Variants in PDK1 observed in about 807,000 individuals in gnomAD.
PDK1 encodes pyruvate dehydrogenase kinase 1.
PDK1 carries 39 observed loss-of-function variants against 54.2 expected under a neutral mutation model. The ratio of observed to expected loss-of-function variants is 0.72; its 90% CI spans 0.56 to 0.94. PDK1 has a LOEUF of 0.94. PDK1 is among the 40% of genes least tolerant of loss of function. PDK1 has a pLI of 0.00. For missense variants in PDK1, 552 were observed against 566.0 expected (o/e 0.98, Z 0.25); for synonymous variants, 221 against 207.1 (o/e 1.07, Z -0.58).
intron 1 of PDK1, among the ~76,000 whole-genome samples, chr2:172,557,636 T>TGA (rs1688413723): frequency 6.6e-6 from 1 of 151,300 alleles, no homozygotes; most frequent in Non-Finnish European, 1.5e-5. Flanking sequence ...TGTGTGTGTG[T>TGA]GTGTGTGTGT....
At chr2:172,634,212 T>G in the PDK1 span, among the ~76,000 whole-genome samples, 2 of 147,736 alleles carry the variant, frequency 1.4e-5, no homozygotes, top group African/African-American at 4.9e-5. Flanking sequence ...TCATTCAGCA[T>G]TATGTTTTTT....
chr2:172,721,163 T>A, the PDK1 span, among the ~76,000 whole-genome samples: 1 of 152,254 alleles, frequency 6.6e-6, no homozygotes, highest in South Asian at 2.1e-4. Context: ...TTGTACCCTG[T>A]ATTCTTAGAG....
intron 2 of PDK1, among the ~76,000 whole-genome samples, chr2:172,560,904 G>A (rs1168439097): frequency 2.6e-5 from 4 of 152,122 alleles, no homozygotes; most frequent in Non-Finnish European, 5.9e-5. Flanking sequence ...AAATGGAAAA[G>A]GTTTAGCTGC....
intron 10 of PDK1, among the ~76,000 whole-genome samples, chr2:172,593,682 A>T (rs1690731363): frequency 6.6e-6 from 1 of 152,194 alleles, no homozygotes; most frequent in Admixed American, 6.5e-5. Context: ...CAGATTTGGG[A>T]ACAAGCACAA....
rs1247386774 is a variant in PDK1, at chr2:172,596,567, A to G, written c.*598A>G. 1 of 152,240 alleles carries G rather than the reference A, an allele frequency of 6.6e-6. No homozygotes were observed. The allele number at this position is 152,240 out of a possible 1,614,324, so 9.4% of individuals were successfully genotyped here. On this transcript the variant is annotated 3_prime_UTR_variant, in exon 11 of 11. Coordinates refer to ENST00000282077, the MANE Select transcript of PDK1 (RefSeq NM_002610.5). ...AATTTTATTGTAAAGAAGTGTAATG[A>G]CTAGCTCTCTGTGGATCTATGCCAA...
chr2:172,588,657 A>T (rs1381426347), intron 9 of PDK1, among the ~76,000 whole-genome samples: 1 of 152,152 alleles, frequency 6.6e-6, no homozygotes, highest in Non-Finnish European at 1.5e-5. Context: ...TTCTGCTGAC[A>T]TCGCTTTGTA....
At chr2:172,704,023 C>G in the PDK1 span, among the ~76,000 whole-genome samples, 3 of 152,048 alleles carry the variant, frequency 2.0e-5, no homozygotes, top group Non-Finnish European at 4.4e-5. Context: ...ATCCACCCGC[C>G]TCAGCCTCCC....
At chr2:172,692,176 G>T in the PDK1 span, among the ~76,000 whole-genome samples, 1 of 152,078 alleles carries the variant, frequency 6.6e-6, no homozygotes, top group Non-Finnish European at 1.5e-5. Context: ...CAGATTTCCT[G>T]GCACTGGAAA....
chr2:172,713,999 G>A, the PDK1 span, among the ~76,000 whole-genome samples: 1 of 152,208 alleles, frequency 6.6e-6, no homozygotes, highest in East Asian at 1.9e-4. Context: ...TATATTTGGA[G>A]AAAAGACGAC....
At chr2:172,566,710 A>AG (rs1688967055) in intron 5 of PDK1, 146 bp from the exon 6 acceptor site, 1 of 513,122 alleles carries the variant, frequency 1.9e-6, no homozygotes, top group South Asian at 3.2e-5. Flanking sequence ...AAAAAAAAAA[A>AG]AAGCAGACTT....
the PDK1 span, among the ~76,000 whole-genome samples, chr2:172,653,243 G>A: frequency 6.6e-6 from 1 of 152,098 alleles, no homozygotes; most frequent in African/African-American, 2.4e-5. Context: ...TTTAATAAAT[G>A]GTGCTGTGAA....
At chr2:172,687,832 G>A in the PDK1 span, among the ~76,000 whole-genome samples, 1 of 152,152 alleles carries the variant, frequency 6.6e-6, no homozygotes, top group Non-Finnish European at 1.5e-5. Context: ...GGAGTCAATT[G>A]CCCCGACAAG....
At chr2:172,673,877 TA>T in the PDK1 span, among the ~76,000 whole-genome samples, 1 of 152,166 alleles carries the variant, frequency 6.6e-6, no homozygotes, top group Non-Finnish European at 1.5e-5. Context: ...AGTGGCAACT[TA>T]AAATACTTGT....
At chr2:172,707,043 A>G in the PDK1 span, among the ~76,000 whole-genome samples, 7 of 152,168 alleles carry the variant, frequency 4.6e-5, no homozygotes, top group East Asian at 1.4e-3. Context: ...TGGGGGTGGG[A>G]GGTGGCGTTG....
downstream of PDK1, among the ~76,000 whole-genome samples, chr2:172,613,141 G>A (rs2149333711): frequency 6.6e-6 from 1 of 152,298 alleles, no homozygotes; most frequent in Admixed American, 6.5e-5. Flanking sequence ...GCAGAACTGA[G>A]TCTTGACTAA....
Position 172,592,912 on chromosome 2 carries a change from ATTTTGT to A in PDK1, c.1057-18_1057-13del. 3.1e-6 allele frequency: 4 copies of A among 1,298,642 alleles called. No individual in the cohort carries two copies. Among genetic ancestry groups the A allele is most frequent in the Non-Finnish European group, 4.5e-6 (4 of 894,100 alleles). The allele number at this position is 1,298,642 out of a possible 1,614,324, so 80.4% of individuals were successfully genotyped here. ...TTCAGTGTGTGTCTTTCTGAATAGA[ATTTTGT>A]TTTTCTCATCAAACAGGCTGGTTTT... On this transcript the variant is annotated splice_polypyrimidine_tract_variant and intron_variant, in intron 9 of 10. Transcript: ENST00000282077.
intron 8 of PDK1, among the ~76,000 whole-genome samples, chr2:172,573,577 G>A (rs1456887850): frequency 6.6e-6 from 1 of 150,504 alleles, no homozygotes; most frequent in African/African-American, 2.5e-5. Flanking sequence ...ATACATATAT[G>A]TGTGTGTATA....
chr2:172,594,629 T>A (rs529313018), intron 10 of PDK1, among the ~76,000 whole-genome samples: 2 of 152,280 alleles, frequency 1.3e-5, no homozygotes, highest in African/African-American at 2.4e-5. Context: ...TAGAGAAATA[T>A]GGAGGTGAAA....
the PDK1 span, among the ~76,000 whole-genome samples, chr2:172,629,003 C>T: frequency 1.3e-5 from 2 of 152,102 alleles, no homozygotes; most frequent in African/African-American, 4.8e-5. Context: ...TAGTGCATGC[C>T]TGTGGTCCCA....
Sources: gnomAD v4.1 joint callset for allele counts (sites outside exome capture counted in the v4.1 genomes callset) on GRCh38, gnomAD v4.1.1 for gene constraint, MANE v1.5 for transcripts, NCBI Gene and HGNC (gene_info 2026-07-23, HGNC 2026-07-21) for gene names.